The following SCNN1D variants were observed in gnomAD, a reference collection of about 807,000 sequenced individuals.
SCNN1D encodes epithelial sodium channel subunit delta.
In SCNN1D, 104 loss-of-function variants were observed where a neutral mutation model predicts 87.8. The observed-to-expected ratio is 1.18, with a 90% CI of 1.01 to 1.39. SCNN1D has a LOEUF of 1.39. Ranked by LOEUF, SCNN1D falls within the 40% of genes most tolerant of loss-of-function variation. The pLI is 0.00. For synonymous variants in SCNN1D, 628 were observed against 481.2 expected, an observed-to-expected ratio of 1.31 and a Z score of -3.99; for missense variants, 1,324 against 1,093.9, an observed-to-expected ratio of 1.21 and a Z score of -2.97.
Position 1,286,785 on chromosome 1 carries a change from G to T in SCNN1D, c.929G>T (p.Arg310Leu). The T allele has an allele frequency of 6.2e-7, 1 of 1,612,614 alleles. No homozygotes were observed. Among genetic ancestry groups the T allele is most frequent in the Non-Finnish European group, 8.5e-7 (1 of 1,179,900 alleles). Reference sequence around the variant, plus strand: ...CGTCCCAGGCCGAGTCCGGTCCTCCGCCATCTGGAGCTGCTGGACGAGTTT... The same window carrying T: ...CGTCCCAGGCCGAGTCCGGTCCTCCTCCATCTGGAGCTGCTGGACGAGTTT... ...GNPRRPSPVL[R>L]HLELLDEFAR... Residue 310 changes from arginine to leucine, a missense_variant, in exon 8 of 18, where the codon CGC becomes CTC. By Grantham distance (102) the Arg-to-Leu change is moderately radical. Transcript: ENST00000379116.
Position 1,287,983 on chromosome 1 carries a change from C to T in SCNN1D, c.1608C>T (p.Ala536=), listed in dbSNP as rs368294602. 1,131 of 1,547,568 alleles carry T rather than the reference C, an allele frequency of 7.3e-4. 3 individuals are homozygous for T. The African/African-American group carries it at 0.01, about 14-fold the overall frequency. ...RLGSPYGHCT[A]GGEGVEVELL... is the part of the protein sequence containing the mutation. ...GGAGCCCCTACGGCCACTGCACCGCCGGCGGGGAAGGCGTGGAGGTGGAGC... is the reference window on the plus strand; with the variant it reads ...GGAGCCCCTACGGCCACTGCACCGCTGGCGGGGAAGGCGTGGAGGTGGAGC... Residue 536 remains alanine, a synonymous_variant, in exon 12 of 18, where the codon GCC becomes GCT. Coordinates refer to ENST00000379116, the MANE Select transcript of SCNN1D (RefSeq NM_001130413.4).
At chr1:1,287,904 G>A (rs750417562) in intron 11 of SCNN1D, 35 bp from the exon 12 acceptor site, 3 of 1,526,278 alleles carry the variant, frequency 2.0e-6, no homozygotes, top group South Asian at 2.5e-5. Context: ...GGGGGGTGAG[G>A]GCAGGGCCCA....
intron 4 of SCNN1D, among the ~76,000 whole-genome samples, chr1:1,283,525 C>A (rs1205435578): frequency 6.6e-6 from 1 of 152,080 alleles, no homozygotes; most frequent in African/African-American, 2.4e-5. Context: ...ATGGAGAAAC[C>A]CCATCTCTAC....
At position 1,284,089 on chromosome 1, in the gene SCNN1D, A is replaced by T; in HGVS notation, c.463A>T (p.Arg155Ter). Residue 155 changes from arginine to a stop codon, truncating the protein, a stop_gained and splice_region_variant, in exon 5 of 18, where the codon AGA becomes TGA. Coordinates refer to ENST00000379116, the MANE Select transcript of SCNN1D (RefSeq NM_001130413.4). LOFTEE classifies it high-confidence loss of function. ...KQPHGGALTS[R>*]SPGPVAPQRP... ...GCCACACGGGGGGGCTCTCACCTCC[A>T]GGTACCGTGGGGGGGGGTGAGGGGG... 4.0e-6 allele frequency: 2 copies of T among 499,748 alleles called. No individual in the cohort carries two copies. Among genetic ancestry groups the T allele is most frequent in the Non-Finnish European group, 4.7e-6 (2 of 426,270 alleles). The allele number at this position is 499,748 out of a possible 1,614,324, so 31.0% of individuals were successfully genotyped here.
intron 1 of SCNN1D, 195 bp from the exon 2 acceptor site, chr1:1,281,031 C>T (rs1468947446): frequency 1.6e-6 from 1 of 612,008 alleles, no homozygotes; most frequent in Non-Finnish European, 2.9e-6. Flanking sequence ...CCAGAGGGAC[C>T]CCAGGCCACC....
rs547089653 is a variant in SCNN1D at position 1,280,899 on chromosome 1, C to T, written c.5+233C>T. 169 of 583,724 alleles carry T rather than the reference C, an allele frequency of 2.9e-4. 2 individuals carry two copies. In the South Asian group the frequency reaches 3.2e-3, roughly 11 times the overall value. 36.2% of individuals were successfully genotyped at this position (583,724 alleles called of 1,614,324 possible). A position where few individuals can be genotyped will look rare whatever the true frequency, so the allele number is the denominator to read the frequency against. ...CTCAGCACCCACCCAGGCCAGCAGC[C>T]GGGGGCACCTTGGTGCCACCTTAGT... is the stretch of plus-strand genomic sequence containing the variant. On this transcript the variant is annotated intron_variant, in intron 1 of 17. Transcript: ENST00000379116.
Position 1,284,025 on chromosome 1 carries a change from A to G in SCNN1D, c.399A>G (p.Gln133=). The change falls in exon 5 of 18, where the codon CAA becomes CAG. Residue 133 remains glutamine (Q), a synonymous_variant. Transcript: ENST00000379116. ...ILLQSCQLPP[Q]WLSTEAWTGE... ...TTCAGAGCTGCCAGCTGCCCCCGCA[A>G]TGGCTGAGCACCGAAGCATGGACGG... 1.4e-6 allele frequency: 2 copies of G among 1,401,128 alleles called. No homozygotes were observed. The highest frequency in any genetic ancestry group is 1.8e-6 in the Non-Finnish European group (2 of 1,082,412). 86.8% of individuals were successfully genotyped at this position (1,401,128 alleles called of 1,614,324 possible).
rs569160054 is a variant in SCNN1D, at chr1:1,280,757, A to G, written c.5+91A>G. 3.0e-5 allele frequency: 20 copies of G among 667,524 alleles called. No individual in the cohort carries two copies. In the African/African-American group the frequency reaches 3.6e-4, roughly 12 times the overall value. 41.4% of individuals were successfully genotyped at this position (667,524 alleles called of 1,614,324 possible). A position where few individuals can be genotyped will look rare whatever the true frequency, so the allele number is the denominator to read the frequency against. On this transcript the variant is annotated intron_variant, in intron 1 of 17. Coordinates refer to ENST00000379116, the MANE Select transcript of SCNN1D (RefSeq NM_001130413.4). Reference sequence around the variant, plus strand: ...GCTAAGACCAGGGGTCCATCCAGACAGTTCAGGGCTTATAATTTTATTTTT... The same window carrying G: ...GCTAAGACCAGGGGTCCATCCAGACGGTTCAGGGCTTATAATTTTATTTTT...
chr1:1,288,246 T>TCTGCTCCGTCCCCCGTGTCC (rs1640661507), intron 12 of SCNN1D, among the ~76,000 whole-genome samples: 3 of 111,334 alleles, frequency 2.7e-5, no homozygotes, highest in Non-Finnish European at 5.6e-5. Context: ...GTCCCGTGTC[T>TCTGCTCCGTCCCCCGTGTCC]CTGCTCCGTC....
At chr1:1,284,737 G>A (rs552384484) in intron 5 of SCNN1D, among the ~76,000 whole-genome samples, 25 of 152,192 alleles carry the variant, frequency 1.6e-4, no homozygotes, top group Non-Finnish European at 2.8e-4. Context: ...TGCATCCCGT[G>A]GGTTGGCCAC....
Position 1,286,186 on chromosome 1 carries a change from T to A in SCNN1D, c.819T>A (p.Arg273=). 1.9e-6 allele frequency: 3 copies of A among 1,603,708 alleles called. No homozygotes were observed. The highest frequency in any genetic ancestry group is 2.5e-6 in the Non-Finnish European group (3 of 1,178,348). The stretch of plus-strand genomic sequence containing the variant: ...GGCAGCTGGGGCTCCTCTTTGAGCG[T>A]CACTGGCACCGCCCGGTCCTCATGG... ...LCWQLGLLFE[R]HWHRPVLMAV... The change falls in exon 7 of 18, where the codon CGT becomes CGA. Residue 273 remains arginine (R), a synonymous_variant. Transcript: ENST00000379116.
chr1:1,283,370 C>T (rs1640508823), intron 4 of SCNN1D, among the ~76,000 whole-genome samples: 2 of 152,136 alleles, frequency 1.3e-5, no homozygotes, highest in African/African-American at 2.4e-5. Flanking sequence ...CCCACCACGG[C>T]CCCGGATCTG....
chr1:1,288,719 T>TCC (rs199820596), intron 12 of SCNN1D, among the ~76,000 whole-genome samples: 5 of 11,976 alleles, frequency 4.2e-4, no homozygotes, highest in Admixed American at 1.1e-3. Flanking sequence ...CTCTGCTCCG[T>TCC]CCCGTGTCTC....
intron 4 of SCNN1D, 57 bp from the exon 5 acceptor site, chr1:1,283,921 C>A: frequency 9.5e-7 from 1 of 1,047,182 alleles, no homozygotes; most frequent in Non-Finnish European, 1.3e-6. Flanking sequence ...GCTGCCCTGG[C>A]TGGGTCCTCC....
At chr1:1,287,065 C>T in intron 8 of SCNN1D, 44 bp from the exon 9 acceptor site, 1 of 1,577,198 alleles carries the variant, frequency 6.3e-7, no homozygotes, top group Non-Finnish European at 8.6e-7. Context: ...GGGAGCGGGG[C>T]CTGGGCTGTA....
At position 1,291,609 on chromosome 1, in the gene SCNN1D, GA is replaced by G; in HGVS notation, c.*1del. On this transcript the variant is annotated frameshift_variant and stop_lost, in exon 18 of 18. Transcript: ENST00000379116. LOFTEE classifies it high-confidence loss of function. ...GPQPLETLDT[*>X] ...CAGCCCCTTGAGACTCTGGACACCT[GA>G]ACCAGACCTGCCAGGGCTGTGCGAT... 2 of 1,523,780 alleles carry G rather than the reference GA, an allele frequency of 1.3e-6. No homozygotes were observed. Among genetic ancestry groups the G allele is most frequent in the Non-Finnish European group, 1.8e-6 (2 of 1,133,376 alleles). 94.4% of individuals were successfully genotyped at this position (1,523,780 alleles called of 1,614,324 possible). A position where few individuals can be genotyped will look rare whatever the true frequency, so the allele number is the denominator to read the frequency against.
In SCNN1D at chr1:1,290,464, AC is replaced by A. The variant is rs1399928801; in HGVS notation, c.1781-9del. The A allele has an allele frequency of 1.9e-6, 3 of 1,611,496 alleles. No individual in the cohort carries two copies. The highest frequency in any genetic ancestry group is 2.5e-6 in the Non-Finnish European group (3 of 1,179,636). Reference sequence around the variant, plus strand: ...ACAGCGAGCCTCACACATGCCTCTGACCCCTCCCCAAGGACACTGCTTCTAC... The same window carrying A: ...ACAGCGAGCCTCACACATGCCTCTGACCCTCCCCAAGGACACTGCTTCTAC... On this transcript the variant is annotated splice_polypyrimidine_tract_variant and intron_variant, in intron 13 of 17. Coordinates refer to ENST00000379116, the MANE Select transcript of SCNN1D (RefSeq NM_001130413.4).
intron 7 of SCNN1D, 116 bp from the exon 8 acceptor site, chr1:1,286,652 C>T: frequency 9.8e-7 from 1 of 1,016,164 alleles, no homozygotes; most frequent in Non-Finnish European, 1.4e-6. Flanking sequence ...TCCAGCTCAC[C>T]CCACTGGGCG....
At chr1:1,288,648 C>T (rs1327184643) in intron 12 of SCNN1D, among the ~76,000 whole-genome samples, 2 of 124,428 alleles carry the variant, frequency 1.6e-5, no homozygotes, top group Admixed American at 7.9e-5. Context: ...TGCCCCGTCC[C>T]GTGTCTCTGC....
Sources: gnomAD v4.1 joint callset for allele counts (sites outside exome capture counted in the v4.1 genomes callset) on GRCh38, gnomAD v4.1.1 for gene constraint, MANE v1.5 for transcripts, NCBI Gene and HGNC (gene_info 2026-07-23, HGNC 2026-07-21) for gene names.